EGFL7: variants seen among roughly 807,000 people sequenced by gnomAD.
The protein encoded by EGFL7 is EGF like domain multiple 7.
A neutral mutation model predicts 37.1 loss-of-function variants in EGFL7; 48 were observed. The observed-to-expected ratio is 1.29, with a 90% CI of 1.03 to 1.65. The LOEUF (loss-of-function observed/expected upper bound fraction) is 1.65. Ranked by LOEUF, EGFL7 falls within the 40% of genes most tolerant of loss-of-function variation. The probability of loss-of-function intolerance (pLI) is 0.00; values close to 1 mark genes in which losing one functional copy is unlikely to be tolerated. For synonymous variants in EGFL7, 180 were observed against 156.8 expected (o/e 1.15, Z -1.10); for missense variants, 384 against 378.9 (o/e 1.01, Z -0.11).
In EGFL7 at chr9:136,670,014, G is replaced by GT; in HGVS notation, c.409+5_409+6insT. 2 of 1,593,154 alleles carry GT rather than the reference G, an allele frequency of 1.3e-6. No individual in the cohort carries two copies. Among genetic ancestry groups the GT allele is most frequent in the African/African-American group, 1.3e-5 (1 of 74,774 alleles). On this transcript the variant is annotated splice_donor_region_variant and intron_variant, in intron 7 of 10. Coordinates refer to ENST00000308874, the MANE Select transcript of EGFL7 (RefSeq NM_016215.5). ...GGGGTGACACTTGCCAGTCAGGTGA[G>GT]GCTGGCTCTACCCTGGGGGGCCCTG...
chr9:136,672,349 C>G lies in EGFL7; in HGVS notation c.*63C>G. 4.4e-6 allele frequency: 7 copies of G among 1,605,988 alleles called. No individual in the cohort carries two copies. The highest frequency in any genetic ancestry group is 6.0e-6 in the Non-Finnish European group (7 of 1,173,972). On this transcript the variant is annotated 3_prime_UTR_variant, in exon 11 of 11. Coordinates refer to ENST00000308874, the MANE Select transcript of EGFL7 (RefSeq NM_016215.5). Reference sequence around the variant, plus strand: ...CGCCCTGCAGCCCCCATGCCCCTGCCCAACATGCTGGGGGTCCAGAAACCA... The same window carrying G: ...CGCCCTGCAGCCCCCATGCCCCTGCGCAACATGCTGGGGGTCCAGAAACCA...
At chr9:136,669,172 G>T (rs1845674696) in intron 5 of EGFL7, among the ~76,000 whole-genome samples, 1 of 152,162 alleles carries the variant, frequency 6.6e-6, no homozygotes, top group African/African-American at 2.4e-5. Flanking sequence ...CTCCTTCCTG[G>T]GTGTGGGAGC....
chr9:136,669,768 C>A, intron 6 of EGFL7, 47 bp downstream of exon 6: 1 of 1,482,414 alleles, frequency 6.7e-7, no homozygotes, highest in Non-Finnish European at 9.1e-7. Context: ...GGCGACTGTT[C>A]CCCAATCTTC....
intron 4 of EGFL7, 54 bp downstream of exon 4, chr9:136,668,416 G>T: frequency 6.5e-7 from 1 of 1,528,618 alleles, no homozygotes; most frequent in African/African-American, 1.4e-5. Flanking sequence ...GGAGCCCTCA[G>T]CACCTCCTAG....
chr9:136,667,791 G>T (rs547545808), intron 3 of EGFL7, among the ~76,000 whole-genome samples: 1 of 152,196 alleles, frequency 6.6e-6, no homozygotes, highest in African/African-American at 2.4e-5. Context: ...GGCTGAGGCC[G>T]GCAGGTCCCT....
At chr9:136,659,973 G>A (rs1007362487), upstream of EGFL7, among the ~76,000 whole-genome samples, 7 of 152,206 alleles carry the variant, frequency 4.6e-5, 1 homozygote, top group Admixed American at 3.9e-4. Flanking sequence ...TGGCTTCTGT[G>A]GGGCTGGAGC....
chr9:136,662,811 C>G (rs1264942583), upstream of EGFL7: 1 of 152,320 alleles, frequency 6.6e-6, no homozygotes, highest in Non-Finnish European at 1.5e-5. Context: ...CGACACGTCC[C>G]CGTTATCAGC....
rs1845819310 is a variant in EGFL7 at position 136,670,973 on chromosome 9, G to A, written c.595G>A (p.Glu199Lys). ...AGGAGTGGACAGTGCAATGAAGGAAGAAGTGCAGAGGCTGCAGTCCAGGGT... is the reference window on the plus strand; with the variant it reads ...AGGAGTGGACAGTGCAATGAAGGAAAAAGTGCAGAGGCTGCAGTCCAGGGT... ...PTGVDSAMKE[E>K]VQRLQSRVDL... Residue 199 changes from glutamate to lysine, a missense_variant, in exon 9 of 11, where the codon GAA becomes AAA. By Grantham distance (56) the Glu-to-Lys change is moderately conservative (BLOSUM62 1). Coordinates refer to ENST00000308874, the MANE Select transcript of EGFL7 (RefSeq NM_016215.5). 3.3e-6 allele frequency: 5 copies of A among 1,511,484 alleles called. No homozygotes were observed. The highest frequency in any genetic ancestry group is 4.4e-6 in the Non-Finnish European group (5 of 1,135,980). The allele number at this position is 1,511,484 out of a possible 1,614,324, so 93.6% of individuals were successfully genotyped here.
At chr9:136,663,838 T>A (rs1588224188) in intron 2 of EGFL7, among the ~76,000 whole-genome samples, 1 of 151,922 alleles carries the variant, frequency 6.6e-6, no homozygotes, top group Admixed American at 6.5e-5. Flanking sequence ...CCAAGAAGCC[T>A]GTCTGAGAAC....
At position 136,668,112 on chromosome 9, in the gene EGFL7, G is replaced by A. The variant is rs1001165648; in HGVS notation, c.-42-129G>A. The A allele has an allele frequency of 2.2e-5, 13 of 592,680 alleles. No individual in the cohort carries two copies. The East Asian group carries it at 2.4e-4, about 11-fold the overall frequency. 36.7% of individuals were successfully genotyped at this position (592,680 alleles called of 1,614,324 possible). A position where few individuals can be genotyped will look rare whatever the true frequency, so the allele number is the denominator to read the frequency against. Reference sequence around the variant, plus strand: ...AGCGGAGGAGAGAGTGGGCGCCACCGTGGGGCTGTCCCACCGGTGGAGGCT... The same window carrying A: ...AGCGGAGGAGAGAGTGGGCGCCACCATGGGGCTGTCCCACCGGTGGAGGCT... On this transcript the variant is annotated intron_variant, in intron 3 of 10. Coordinates refer to ENST00000308874, the MANE Select transcript of EGFL7 (RefSeq NM_016215.5).
chr9:136,662,699 T>C (rs1027137442), upstream of EGFL7, among the ~76,000 whole-genome samples: 1 of 152,142 alleles, frequency 6.6e-6, no homozygotes, highest in African/African-American at 2.4e-5. Flanking sequence ...GTTTTGGGGC[T>C]AGACTCTGAT....
chr9:136,672,317 C>G lies in EGFL7; in HGVS notation c.*31C>G, dbSNP rs377086652. The G allele has an allele frequency of 6.2e-7, 1 of 1,612,884 alleles. No homozygotes were observed. Among genetic ancestry groups the G allele is most frequent in the East Asian group, 2.2e-5 (1 of 44,892 alleles). On this transcript the variant is annotated 3_prime_UTR_variant, in exon 11 of 11. Coordinates refer to ENST00000308874, the MANE Select transcript of EGFL7 (RefSeq NM_016215.5). ...CAGCGCCCCAGGCTGGACTGAGCCC[C>G]TCACGCCGCCCTGCAGCCCCCATGC...
At chr9:136,665,206 C>A (rs1845384031) in intron 3 of EGFL7, among the ~76,000 whole-genome samples, 1 of 152,180 alleles carries the variant, frequency 6.6e-6, no homozygotes, top group African/African-American at 2.4e-5. Flanking sequence ...GGCGCAGGGG[C>A]CCCCAACCTA....
intron 5 of EGFL7, among the ~76,000 whole-genome samples, chr9:136,669,244 C>T (rs563419333): frequency 1.3e-5 from 2 of 152,214 alleles, no homozygotes; most frequent in African/African-American, 4.8e-5. Context: ...AGAAGGGCTC[C>T]GATGCCCAGG....
At chr9:136,670,834 G>T in intron 8 of EGFL7, 116 bp from the exon 9 acceptor site, 1 of 993,222 alleles carries the variant, frequency 1.0e-6, no homozygotes, top group Non-Finnish European at 1.5e-6. Flanking sequence ...CAGCGGGGGC[G>T]GCAGAGGCCT....
At chr9:136,664,258 G>T (rs897564822) in intron 2 of EGFL7, among the ~76,000 whole-genome samples, 6 of 152,322 alleles carry the variant, frequency 3.9e-5, no homozygotes, top group African/African-American at 1.4e-4. Flanking sequence ...CTGGATTGCA[G>T]GGTGGGGCGG....
chr9:136,672,277 A>G lies in EGFL7; in HGVS notation c.813A>G (p.Lys271=), dbSNP rs775661553. 4.5e-5 allele frequency: 72 copies of G among 1,613,234 alleles called. 1 individual carries two copies. In the South Asian group the frequency reaches 7.8e-4, roughly 17 times the overall value. The change falls in exon 11 of 11, where the codon AAA becomes AAG. Residue 271 remains lysine (K), a synonymous_variant. Transcript: ENST00000308874. ...ATCCAACCCTAGGCTCCTGCAAGAA[A>G]GACTCGTGACTGCCCAGCGCCCCAG... The part of the protein sequence containing the change: ...EEQLGSCSCK[K]DS
chr9:136,672,490 C>T lies in EGFL7; in HGVS notation c.*204C>T. The stretch of plus-strand genomic sequence containing the variant: ...TGGGCTGGGATCTTCTCTGTGAATC[C>T]ACCCCTGGCTACCCCCACCCTGGCT... On this transcript the variant is annotated 3_prime_UTR_variant, in exon 11 of 11. Transcript: ENST00000308874. The T allele has an allele frequency of 1.5e-6, 1 of 655,344 alleles. No homozygotes were observed. The highest frequency in any genetic ancestry group is 1.9e-5 in the South Asian group (1 of 52,932). The allele number at this position is 655,344 out of a possible 1,614,324, so 40.6% of individuals were successfully genotyped here. A position where few individuals can be genotyped will look rare whatever the true frequency, so the allele number is the denominator to read the frequency against.
intron 5 of EGFL7, 59 bp downstream of exon 5, chr9:136,668,732 C>CGG (rs1845645071): frequency 7.1e-7 from 1 of 1,402,016 alleles, no homozygotes; most frequent in African/African-American, 1.4e-5. Flanking sequence ...GGCCACACAT[C>CGG]AGCATGTCAG....
Sources: allele counts gnomAD v4.1 joint callset (sites outside exome capture counted in the v4.1 genomes callset), GRCh38; gene constraint gnomAD v4.1.1; transcripts MANE v1.5; gene names NCBI Gene and HGNC (gene_info 2026-07-23, HGNC 2026-07-21).